Variants in GOT1 observed in about 807,000 individuals in gnomAD.
The protein encoded by GOT1 is glutamic-oxaloacetic transaminase 1.
Under a neutral mutation model 48.2 loss-of-function variants are expected in GOT1, and 25 were observed. The ratio of observed to expected loss-of-function variants is 0.52; its 90% CI spans 0.38 to 0.72. The LOEUF is 0.72. GOT1 is among the 30% of genes least tolerant of loss of function. The pLI, the probability that GOT1 is intolerant of heterozygous loss-of-function variation, is 0.00. For missense variants in GOT1, 380 were observed against 520.1 expected (o/e 0.73, Z 2.62); for synonymous variants, 188 against 193.8 (o/e 0.97, Z 0.25).
intron 2 of GOT1, among the ~76,000 whole-genome samples, chr10:99,409,117 G>T (rs185881652): frequency 1.6e-4 from 24 of 150,140 alleles, no homozygotes; most frequent in African/African-American, 5.7e-4. Context: ...ATAATAAAAA[G>T]GTTTTTTTTG....
Position 99,401,755 on chromosome 10 carries a change from A to G in GOT1, c.1102+825T>C, listed in dbSNP as rs1320778977. On this transcript the variant is annotated intron_variant, in intron 8 of 8. Coordinates refer to ENST00000370508, the MANE Select transcript of GOT1 (RefSeq NM_002079.3). ...TACTGACAATTGACCAAGACCATGCATGACCACCTACTAGATTTTCAATCA... is the reference window on the plus strand; with the variant it reads ...TACTGACAATTGACCAAGACCATGCGTGACCACCTACTAGATTTTCAATCA... Among the ~76,000 whole-genome samples the G allele has an allele frequency of 2.0e-5, 3 of 152,000 alleles. No homozygotes were observed. In the East Asian group the frequency reaches 5.8e-4, roughly 29 times the overall value.
chr10:99,429,174 C>A (rs537634687), intron 1 of GOT1, among the ~76,000 whole-genome samples: 1 of 151,928 alleles, frequency 6.6e-6, no homozygotes, highest in Non-Finnish European at 1.5e-5. Context: ...CTCAGCCTCC[C>A]GAGTACCTGG....
chr10:99,417,078 T>C (rs1269447168), intron 2 of GOT1, among the ~76,000 whole-genome samples: 3 of 152,164 alleles, frequency 2.0e-5, no homozygotes, highest in African/African-American at 7.2e-5. Context: ...AATTGACAAA[T>C]GGGATCTAAT....
At chr10:99,400,636 G>GAAAC (rs369370171) in intron 8 of GOT1, among the ~76,000 whole-genome samples, 12 of 150,094 alleles carry the variant, frequency 8.0e-5, no homozygotes, top group East Asian at 4.0e-4. Context: ...GACCGTGTCT[G>GAAAC]AAACAAACAA....
intron 2 of GOT1, among the ~76,000 whole-genome samples, chr10:99,414,900 A>C (rs575275812): frequency 6.6e-6 from 1 of 152,194 alleles, no homozygotes; most frequent in African/African-American, 2.4e-5. Flanking sequence ...CACCGAGAAC[A>C]AAGACACAAC....
At chr10:99,403,002 T>C (rs2032701440) in intron 7 of GOT1, among the ~76,000 whole-genome samples, 1 of 152,214 alleles carries the variant, frequency 6.6e-6, no homozygotes, top group African/African-American at 2.4e-5. Flanking sequence ...GAGGTGCTGC[T>C]ATAGATATTA....
intron 2 of GOT1, among the ~76,000 whole-genome samples, chr10:99,417,534 G>A (rs1277964925): frequency 6.6e-6 from 1 of 152,210 alleles, no homozygotes; most frequent in Non-Finnish European, 1.5e-5. Flanking sequence ...ATTCCTCAGG[G>A]ATCTAGAACT....
intron 2 of GOT1, among the ~76,000 whole-genome samples, chr10:99,419,753 A>G (rs2032943517): frequency 6.6e-6 from 1 of 152,136 alleles, no homozygotes; most frequent in African/African-American, 2.4e-5. Context: ...AGGTAATACT[A>G]ACATCCAGCT....
intron 2 of GOT1, among the ~76,000 whole-genome samples, chr10:99,412,339 G>T (rs1000896205): frequency 6.6e-6 from 1 of 151,850 alleles, no homozygotes; most frequent in South Asian, 2.1e-4. Context: ...TATGGGCGGT[G>T]GGGGTGGGGA....
chr10:99,409,619 T>G (rs2032806540), intron 2 of GOT1, among the ~76,000 whole-genome samples: 1 of 152,152 alleles, frequency 6.6e-6, no homozygotes, highest in Admixed American at 6.6e-5. Flanking sequence ...TACATTAAAA[T>G]TACCCCCTTG....
At position 99,406,895 on chromosome 10, in the gene GOT1, G is replaced by T. The variant is rs111980747; in HGVS notation, c.301-46C>A. On this transcript the variant is annotated intron_variant, in intron 2 of 8. Transcript: ENST00000370508. The stretch of plus-strand genomic sequence containing the variant: ...TCACAGGCTGATAATGGTGAGGTCA[G>T]ATAATATTTACAAAAATAAGGTAAT... 913 of 1,595,818 alleles carry T rather than the reference G, an allele frequency of 5.7e-4. 7 individuals carry two copies. The African/African-American group carries it at 0.011, about 19-fold the overall frequency.
At chr10:99,401,750 C>T (rs1271230695) in intron 8 of GOT1, among the ~76,000 whole-genome samples, 2 of 151,998 alleles carry the variant, frequency 1.3e-5, no homozygotes, top group East Asian at 1.9e-4. Context: ...TGACCAAGAC[C>T]ATGCATGACC....
chr10:99,428,015 G>T (rs747964856), intron 1 of GOT1, among the ~76,000 whole-genome samples: 17 of 152,218 alleles, frequency 1.1e-4, no homozygotes, highest in Non-Finnish European at 1.9e-4. Flanking sequence ...CAGCTGAGGT[G>T]GCCGTCTGAG....
intron 1 of GOT1, among the ~76,000 whole-genome samples, chr10:99,429,848 C>G (rs1470827408): frequency 6.6e-6 from 1 of 152,226 alleles, no homozygotes; most frequent in Admixed American, 6.5e-5. Context: ...CCTACCACAT[C>G]TGTGACGGCC....
intron 2 of GOT1, among the ~76,000 whole-genome samples, chr10:99,411,494 CT>C (rs1402557403): frequency 1.3e-5 from 2 of 152,224 alleles, no homozygotes; most frequent in Non-Finnish European, 1.5e-5. Flanking sequence ...TATGTCTCGT[CT>C]TTAAGTTTTG....
At chr10:99,424,659 T>A (rs760320812) in intron 1 of GOT1, among the ~76,000 whole-genome samples, 5 of 152,232 alleles carry the variant, frequency 3.3e-5, no homozygotes, top group Non-Finnish European at 7.3e-5. Context: ...CACTACTGAA[T>A]ACTCTGTGAA....
Position 99,420,645 on chromosome 10 carries a change from G to A in GOT1, c.279C>T (p.Ser93=). 6.2e-7 allele frequency: 1 copy of A among 1,613,478 alleles called. No homozygotes were observed. The highest frequency in any genetic ancestry group is 8.5e-7 in the Non-Finnish European group (1 of 1,179,670). The change falls in exon 2 of 9, where the codon AGC becomes AGT. Residue 93 remains serine (S), a synonymous_variant. Transcript: ENST00000370508. ...CASRLALGDD[S]PALKEKRVGG... is the part of the protein sequence containing the mutation. ...TTACCCGCTTCTCCTTGAGTGCTGG[G>A]CTGTCATCCCCAAGGGCAAGACGAG...
At chr10:99,407,330 A>ACTCCTCAT (rs2032773471) in intron 2 of GOT1, among the ~76,000 whole-genome samples, 1 of 151,956 alleles carries the variant, frequency 6.6e-6, no homozygotes. Context: ...AATCTGTGCT[A>ACTCCTCAT]CTCCTCATCT....
intron 2 of GOT1, among the ~76,000 whole-genome samples, chr10:99,415,361 C>G (rs889109400): frequency 6.6e-5 from 10 of 152,078 alleles, no homozygotes; most frequent in African/African-American, 2.4e-4. Flanking sequence ...ATAAATTCCT[C>G]GACACATACA....
Sources: allele counts gnomAD v4.1 joint callset (sites outside exome capture counted in the v4.1 genomes callset), GRCh38; gene constraint gnomAD v4.1.1; transcripts MANE v1.5; gene names NCBI Gene and HGNC (gene_info 2026-07-23, HGNC 2026-07-21).